The following EML5 variants were observed in gnomAD, a reference collection of about 807,000 sequenced individuals.
EML5 encodes EMAP like 5.
In EML5, 120 loss-of-function variants were observed where a neutral mutation model predicts 250.0. The ratio of observed to expected loss-of-function variants is 0.48; its 90% CI spans 0.41 to 0.56. The LOEUF is 0.56. Among genes scored for constraint, EML5 ranks in the 20% least tolerant of loss-of-function variants. The pLI, the probability that EML5 is intolerant of heterozygous loss-of-function variation, is 0.00. For synonymous variants in EML5, 771 were observed against 806.5 expected (o/e 0.96, Z 0.75); for missense variants, 2,006 against 2,437.6 (o/e 0.82, Z 3.73).
intron 28 of EML5, among the ~76,000 whole-genome samples, chr14:88,649,278 C>T (rs1251415826): frequency 2.6e-5 from 4 of 152,158 alleles, no homozygotes; most frequent in East Asian, 3.9e-4. Context: ...TCTAGCAATC[C>T]TCTCACTTCG....
At chr14:88,730,821 A>T (rs956292033) in intron 7 of EML5, among the ~76,000 whole-genome samples, 11 of 152,236 alleles carry the variant, frequency 7.2e-5, no homozygotes, top group Non-Finnish European at 1.2e-4. Context: ...GATGGTGGGA[A>T]AAAAGTATGT....
chr14:88,715,526 A>C (rs539125502), intron 8 of EML5, among the ~76,000 whole-genome samples: 2 of 152,328 alleles, frequency 1.3e-5, no homozygotes, highest in East Asian at 3.9e-4. Context: ...TTCTTTGTAA[A>C]TATGGAGTTT....
intron 8 of EML5, among the ~76,000 whole-genome samples, chr14:88,723,635 T>C (rs1356939673): frequency 6.6e-6 from 1 of 152,194 alleles, no homozygotes; most frequent in Non-Finnish European, 1.5e-5. Flanking sequence ...TGTGAGGTGA[T>C]GGATATGTTA....
In EML5 at chr14:88,627,822, A is replaced by C; in HGVS notation, c.4358-3T>G. 6.3e-7 allele frequency: 1 copy of C among 1,575,046 alleles called. No individual in the cohort carries two copies. Among genetic ancestry groups the C allele is most frequent in the Non-Finnish European group, 8.6e-7 (1 of 1,162,546 alleles). On this transcript the variant is annotated splice_polypyrimidine_tract_variant and splice_region_variant and intron_variant, in intron 33 of 43. Transcript: ENST00000554922. ...GATGTGAATAGAAGGAGCTGTAGCT[A>C]AATAAAGATAGTATCAAAAAGTTGT...
In EML5 at chr14:88,743,353, C is replaced by T. The variant is rs146013917; in HGVS notation, c.525+670G>A. Reference sequence around the variant, plus strand: ...CTGATCACCATACATTTTTATGTATCAAAACATCACTATGTACCCATGAAT... The same window carrying T: ...CTGATCACCATACATTTTTATGTATTAAAACATCACTATGTACCCATGAAT... On this transcript the variant is annotated intron_variant, in intron 4 of 43. Coordinates refer to ENST00000554922, the MANE Select transcript of EML5 (RefSeq NM_183387.3). 1.9e-3 allele frequency among the ~76,000 whole-genome samples: 286 copies of T among 151,816 alleles called. 1 individual carries two copies. Among genetic ancestry groups the T allele is most frequent in the African/African-American group, 6.7e-3 (276 of 41,436 alleles).
At chr14:88,716,336 T>C (rs969381384) in intron 8 of EML5, among the ~76,000 whole-genome samples, 1 of 152,214 alleles carries the variant, frequency 6.6e-6, no homozygotes, top group African/African-American at 2.4e-5. Flanking sequence ...ACATCACTTC[T>C]GCCTCTGCAA....
chr14:88,742,032 C>T (rs570611806), intron 4 of EML5, among the ~76,000 whole-genome samples: 1 of 152,042 alleles, frequency 6.6e-6, no homozygotes, highest in South Asian at 2.1e-4. Flanking sequence ...CCATTATTTT[C>T]TTCTAGATCA....
At chr14:88,739,507 A>G (rs1176914926) in intron 5 of EML5, among the ~76,000 whole-genome samples, 1 of 152,214 alleles carries the variant, frequency 6.6e-6, no homozygotes, top group Non-Finnish European at 1.5e-5. Flanking sequence ...TAATTCCTAT[A>G]CCACATGTAA....
In EML5 at chr14:88,788,536, TAA is replaced by T. The variant is rs36066768; in HGVS notation, c.197+3769_197+3770del. Among the ~76,000 whole-genome samples the T allele has an allele frequency of 8.5e-3, 1,211 of 142,226 alleles. 13 individuals are homozygous for T. Among genetic ancestry groups the T allele is most frequent in the African/African-American group, 0.029 (1,139 of 39,252 alleles). The allele number at this position is 142,226 out of a possible 152,430, so 93.3% of individuals were successfully genotyped here. A position where few individuals can be genotyped will look rare whatever the true frequency, so the allele number is the denominator to read the frequency against. ...AACTGGTGAGACCCTTTCACTATGT[TAA>T]AAAAAAAAAAAAGTACTCTAAATTC... is the stretch of plus-strand genomic sequence containing the variant. On this transcript the variant is annotated intron_variant, in intron 1 of 43. Coordinates refer to ENST00000554922, the MANE Select transcript of EML5 (RefSeq NM_183387.3).
rs147383540 is a variant in EML5 at position 88,644,750 on chromosome 14, G to A, written c.4029-239C>T. On this transcript the variant is annotated intron_variant, in intron 29 of 43. Transcript: ENST00000554922. The stretch of plus-strand genomic sequence containing the variant: ...TTTTGAGACGGAGTCTCACTCTGTC[G>A]CCCATGCTGGAGTGCAGTGGTGCAA... The A allele has an allele frequency of 2.6e-3, 894 of 345,504 alleles. 17 individuals carry two copies. In the East Asian group the frequency reaches 0.048, roughly 19 times the overall value. The allele number at this position is 345,504 out of a possible 1,614,324, so 21.4% of individuals were successfully genotyped here.
chr14:88,656,282 C>T (rs1257324839), intron 27 of EML5, among the ~76,000 whole-genome samples: 1 of 152,152 alleles, frequency 6.6e-6, no homozygotes, highest in Non-Finnish European at 1.5e-5. Flanking sequence ...GAATACTATG[C>T]AGCCATAAAA....
At chr14:88,723,249 C>T (rs2093617613) in intron 8 of EML5, among the ~76,000 whole-genome samples, 1 of 152,034 alleles carries the variant, frequency 6.6e-6, no homozygotes, top group African/African-American at 2.4e-5. Context: ...CCAGGCTCTA[C>T]AAAAATTTTA....
At chr14:88,628,063 G>A (rs181490058) in intron 33 of EML5, 1 of 508,298 alleles carries the variant, frequency 2.0e-6, no homozygotes, top group South Asian at 1.9e-5. Flanking sequence ...TTGCACTTTT[G>A]GAAAAACAGC....
In EML5 at chr14:88,678,850, C is replaced by A. The variant is rs1274109470; in HGVS notation, c.3124+3040G>T. 2.6e-5 allele frequency among the ~76,000 whole-genome samples: 4 copies of A among 152,198 alleles called. No homozygotes were observed. The East Asian group carries it at 7.7e-4, about 29-fold the overall frequency. ...AGTATTGGTTTCCTAGAGGCTGTAA[C>A]AAATGACCACAAACTGTGTGTCCTA... On this transcript the variant is annotated intron_variant, in intron 21 of 43. Transcript: ENST00000554922.
chr14:88,729,173 T>C (rs1046561214), intron 7 of EML5, among the ~76,000 whole-genome samples: 3 of 152,116 alleles, frequency 2.0e-5, no homozygotes, highest in Non-Finnish European at 2.9e-5. Flanking sequence ...TATATACACA[T>C]ACATATATAT....
In EML5 at chr14:88,792,538, C is replaced by CGCGGCGGCGACGGGAGGCG. The variant is rs1302798430; in HGVS notation, c.-54_-36dup. ...CCCACCCGCCGCTCCCGCTCGGGCC[C>CGCGGCGGCGACGGGAGGCG]GCGGCGGCGACGGGAGGCGGCGGCG... On this transcript the variant is annotated 5_prime_UTR_variant, in exon 1 of 44. Transcript: ENST00000554922. The surrounding 1 kb of genome is among the most constrained non-coding windows in gnomAD (Gnocchi z 6.9). 12 of 1,242,506 alleles carry CGCGGCGGCGACGGGAGGCG rather than the reference C, an allele frequency of 9.7e-6. No individual in the cohort carries two copies. Among genetic ancestry groups the CGCGGCGGCGACGGGAGGCG allele is most frequent in the Middle Eastern group, 3.2e-4 (1 of 3,152 alleles). 77.0% of individuals were successfully genotyped at this position (1,242,506 alleles called of 1,614,324 possible).
intron 40 of EML5, 150 bp from the exon 41 acceptor site, chr14:88,618,481 G>T: frequency 9.3e-7 from 1 of 1,078,974 alleles, no homozygotes. Flanking sequence ...CTTAATAGGA[G>T]AAAAGCTCTG....
chr14:88,624,276 T>G (rs531783271), intron 36 of EML5: 1 of 152,438 alleles, frequency 6.6e-6, no homozygotes, highest in Non-Finnish European at 1.5e-5. Context: ...GGTTTCACCA[T>G]GTTGCCCAGG....
intron 3 of EML5, among the ~76,000 whole-genome samples, chr14:88,745,167 T>TTGTTTG (rs148282706): frequency 3.2e-4 from 46 of 145,282 alleles, no homozygotes; most frequent in East Asian, 1.8e-3. Context: ...AATTGTGTGT[T>TTGTTTG]TGTGTGTGTG....
Sources: gnomAD v4.1 joint callset for allele counts (sites outside exome capture counted in the v4.1 genomes callset) on GRCh38, gnomAD v4.1.1 for gene constraint, Gnocchi (gnomAD v3.1) non-coding constraint, MANE v1.5 for transcripts, NCBI Gene and HGNC (gene_info 2026-07-23, HGNC 2026-07-21) for gene names.